MYH4: variants seen among roughly 807,000 people sequenced by gnomAD.
The protein encoded by MYH4 is myosin-4.
MYH4 carries 200 observed loss-of-function variants against 229.9 expected under a neutral mutation model. The observed-to-expected ratio is 0.87, with a 90% CI of 0.78 to 0.98. The LOEUF (loss-of-function observed/expected upper bound fraction) is 0.98. Among genes scored for constraint, MYH4 ranks in the 50% least tolerant of loss-of-function variants. MYH4 has a pLI of 0.00. For synonymous variants in MYH4, 761 were observed against 834.6 expected (o/e 0.91, Z 1.52); for missense variants, 2,148 against 2,332.6 (o/e 0.92, Z 1.63).
At position 10,448,112 on chromosome 17, in the gene MYH4, A is replaced by G. The variant is rs751270475; in HGVS notation, c.4671T>C (p.His1557=). Reference sequence around the variant, plus strand: ...GAATGCGAAGAATTTTGCCTTCTTCATGCTCAAGAGATGCCTTAATAAAAG... The same window carrying G: ...GAATGCGAAGAATTTTGCCTTCTTCGTGCTCAAGAGATGCCTTAATAAAAG... ...SLEEAEASLE[H]EEGKILRIQL... Residue 1557 remains histidine (H), a synonymous_variant, in exon 34 of 40, where the codon CAT becomes CAC. Coordinates refer to ENST00000255381, the MANE Select transcript of MYH4 (RefSeq NM_017533.2). The G allele has an allele frequency of 2.5e-5, 40 of 1,612,856 alleles. No individual in the cohort carries two copies. Among genetic ancestry groups the G allele is most frequent in the Admixed American group, 2.3e-4 (14 of 59,866 alleles).
chr17:10,457,642 G>A lies in MYH4; in HGVS notation c.1675C>T (p.His559Tyr), dbSNP rs2072657047. The A allele has an allele frequency of 1.2e-6, 2 of 1,614,234 alleles. No homozygotes were observed. The highest frequency in any genetic ancestry group is 1.7e-6 in the Non-Finnish European group (2 of 1,180,046). Reference protein sequence around the residue: ...TSFKNKLYEQHLGKSNNFQKP... With the variant: ...TSFKNKLYEQYLGKSNNFQKP... Reference sequence around the variant, plus strand: ...TGGAAGTTGTTGGATTTTCCAAGATGTTGTTCATACAGCTTGTTCTTGAAG... The same window carrying A: ...TGGAAGTTGTTGGATTTTCCAAGATATTGTTCATACAGCTTGTTCTTGAAG... The change falls in exon 16 of 40, where the codon CAT becomes TAT. Residue 559 changes from histidine to tyrosine, a missense_variant. Coordinates refer to ENST00000255381, the MANE Select transcript of MYH4 (RefSeq NM_017533.2).
chr17:10,453,115 T>G (rs745968867), intron 24 of MYH4, 37 bp downstream of exon 24: 1 of 1,613,056 alleles, frequency 6.2e-7, no homozygotes, highest in Non-Finnish European at 8.5e-7. Context: ...ATTGTTTATT[T>G]CATTGCAAGG....
chr17:10,462,862 T>TA lies in MYH4; in HGVS notation c.1008+2dup, dbSNP rs2072717259. The TA allele has an allele frequency of 6.2e-7, 1 of 1,611,064 alleles. No homozygotes were observed. The highest frequency in any genetic ancestry group is 8.5e-7 in the Non-Finnish European group (1 of 1,177,944). ...TTTTTACTACTTTGTACCTATTACT[T>TA]ACATCTGTGGCCATCAGCTCTTCCT... On this transcript the variant is annotated splice_region_variant and intron_variant, in intron 11 of 39. Transcript: ENST00000255381.
chr17:10,451,792 G>T, intron 27 of MYH4, 149 bp downstream of exon 27: 1 of 1,003,496 alleles, frequency 1.0e-6, no homozygotes, highest in Non-Finnish European at 1.4e-6. Context: ...GAACTTAAGT[G>T]ATTCAATACA....
In MYH4 at chr17:10,461,013, C is replaced by T; in HGVS notation, c.1050G>A (p.Val350=). The T allele has an allele frequency of 6.2e-7, 1 of 1,614,028 alleles. No individual in the cohort carries two copies. Among genetic ancestry groups the T allele is most frequent in the Non-Finnish European group, 8.5e-7 (1 of 1,179,978 alleles). The part of the protein sequence containing the change: ...DILGFTADEK[V]AIYKLTGAVM... ...CGGCTCCAGTGAGCTTGTAAATGGC[C>T]ACCTTTTCATCAGCAGTGAAACCCA... Residue 350 remains valine (V), a synonymous_variant, in exon 12 of 40, where the codon GTG becomes GTA. Coordinates refer to ENST00000255381, the MANE Select transcript of MYH4 (RefSeq NM_017533.2).
Position 10,460,229 on chromosome 17 carries a change from C to A in MYH4, c.1240G>T (p.Val414Leu), listed in dbSNP as rs373683531. 2.5e-6 allele frequency: 4 copies of A among 1,613,934 alleles called. No individual in the cohort carries two copies. Among genetic ancestry groups the A allele is most frequent in the Admixed American group, 1.7e-5 (1 of 60,008 alleles). ...YPRVKVGNEFVTKGQTVQQVY... is the reference protein window; with the variant it reads ...YPRVKVGNEFLTKGQTVQQVY... ...TGCTGCACAGTCTGGCCTTTGGTTA[C>A]GAACTCATTGCCGACCTTGACTCTG... The change falls in exon 13 of 40, where the codon GTA (valine) becomes TTA (leucine). Residue 414 changes from valine to leucine, a missense_variant. Transcript: ENST00000255381.
Position 10,453,244 on chromosome 17 carries a change from G to C in MYH4, c.3019C>G (p.His1007Asp). The C allele has an allele frequency of 1.2e-6, 2 of 1,614,010 alleles. 1 individual carries two copies. Among genetic ancestry groups the C allele is most frequent in the Non-Finnish European group, 1.7e-6 (2 of 1,180,008 alleles). Residue 1007 changes from histidine to aspartate, a missense_variant, in exon 24 of 40, where the codon CAC becomes GAC. Physicochemically the swap from His to Asp is moderately conservative, Grantham distance 81. Transcript: ENST00000255381. The stretch of plus-strand genomic sequence containing the variant: ...TGCAGGTCATCCAGGGTCTGCTGGT[G>C]GGCCTCCTGGAGAGCCTTCTTCTCC... ...TKEKKALQEA[H>D]QQTLDDLQME...
rs1429029465 is a variant in MYH4 at position 10,452,278 on chromosome 17, G to A, written c.3401C>T (p.Ala1134Val). The A allele has an allele frequency of 1.9e-6, 3 of 1,613,852 alleles. No homozygotes were observed. The East Asian group carries it at 6.7e-5, about 36-fold the overall frequency. ...GTCAGAGCGCTGCTTCTCTGCTTTGGCCCGGGAGGCCCGCTCTGCCTCGAT... is the reference window on the plus strand; with the variant it reads ...GTCAGAGCGCTGCTTCTCTGCTTTGACCCGGGAGGCCCGCTCTGCCTCGAT... ...EEIEAERASR[A>V]KAEKQRSDLS... is the part of the protein sequence containing the mutation. Residue 1134 changes from alanine to valine, a missense_variant, in exon 27 of 40, where the codon GCC becomes GTC. Ala to Val is a moderately conservative substitution (Grantham distance 64, BLOSUM62 0). Transcript: ENST00000255381.
chr17:10,452,203 C>T lies in MYH4; in HGVS notation c.3476G>A (p.Gly1159Glu). 6.2e-7 allele frequency: 1 copy of T among 1,613,902 alleles called. No homozygotes were observed. Among genetic ancestry groups the T allele is most frequent in the South Asian group, 1.1e-5 (1 of 91,066 alleles). The stretch of plus-strand genomic sequence containing the variant: ...CATCTCAATCTGGGCTGAAGTGGCC[C>T]CACCGGCTTCTTCCAGCCTCTCACT... ...EISERLEEAG[G>E]ATSAQIEMNK... Residue 1159 changes from glycine (G) to glutamate (E), a missense_variant, in exon 27 of 40, where the codon GGG (glycine) becomes GAG (glutamate). Physicochemically the swap from Gly to Glu is moderately conservative, Grantham distance 98. Transcript: ENST00000255381.
intron 35 of MYH4, among the ~76,000 whole-genome samples, chr17:10,446,177 A>T (rs1469652419): frequency 3.3e-5 from 5 of 152,088 alleles, no homozygotes; most frequent in Admixed American, 2.0e-4. Flanking sequence ...ATTTGATTTT[A>T]AAATTATATA....
At position 10,466,429 on chromosome 17, in the gene MYH4, GA is replaced by G. The variant is rs1253955577; in HGVS notation, c.205-14del. 2.8e-5 allele frequency: 45 copies of G among 1,610,864 alleles called. No homozygotes were observed. The highest frequency in any genetic ancestry group is 3.7e-5 in the Non-Finnish European group (44 of 1,179,260). ...TCACAGTTACAGTCTGTTAAGAAAA[GA>G]AAAAACAAGTGCATATCAAATAAGT... On this transcript the variant is annotated splice_polypyrimidine_tract_variant and intron_variant, in intron 3 of 39. Transcript: ENST00000255381.
intron 30 of MYH4, among the ~76,000 whole-genome samples, chr17:10,449,381 A>G (rs574327457): frequency 2.1e-4 from 32 of 152,284 alleles, no homozygotes; most frequent in Admixed American, 1.8e-3. Flanking sequence ...CTGGCCCTCT[A>G]TAGTGTGGCA....
At chr17:10,455,583 C>T in intron 19 of MYH4, 31 bp downstream of exon 19, 8 of 1,612,628 alleles carry the variant, frequency 5.0e-6, no homozygotes, top group Non-Finnish European at 6.8e-6. Flanking sequence ...TAGACTAAGA[C>T]ATTGGAAGGG....
In MYH4 at chr17:10,456,377, G is replaced by A. The variant is rs547666245; in HGVS notation, c.1968+108C>T. Reference sequence around the variant, plus strand: ...TTAGTAGTATACTAAAAAGTATACTGTACTACTTTATTCACTTTCACCATA... The same window carrying A: ...TTAGTAGTATACTAAAAAGTATACTATACTACTTTATTCACTTTCACCATA... On this transcript the variant is annotated intron_variant, in intron 17 of 39. Transcript: ENST00000255381. The A allele has an allele frequency of 6.0e-5, 53 of 885,778 alleles. No homozygotes were observed. The African/African-American group carries it at 7.4e-4, about 12-fold the overall frequency. The allele number at this position is 885,778 out of a possible 1,614,324, so 54.9% of individuals were successfully genotyped here.
In MYH4 at chr17:10,455,207, T is replaced by C; in HGVS notation, c.2263A>G (p.Ile755Val). 1 of 1,614,206 alleles carries C rather than the reference T, an allele frequency of 6.2e-7. No individual in the cohort carries two copies. The highest frequency in any genetic ancestry group is 8.5e-7 in the Non-Finnish European group (1 of 1,180,032). Residue 755 changes from isoleucine (I) to valine (V), a missense_variant, in exon 20 of 40, where the codon ATT becomes GTT. By Grantham distance (29) the Ile-to-Val change is conservative (BLOSUM62 3). Coordinates refer to ENST00000255381, the MANE Select transcript of MYH4 (RefSeq NM_017533.2). ...ASEKLLGSIE[I>V]DHTQYKFGHT... The stretch of plus-strand genomic sequence containing the variant: ...CCGAATTTGTACTGGGTGTGGTCAA[T>C]TTCAATAGACCCTAGAAGTTTCTCA...
chr17:10,456,313 AT>A (rs1055901288), intron 17 of MYH4, among the ~76,000 whole-genome samples, 171 bp downstream of exon 17: 5 of 152,184 alleles, frequency 3.3e-5, no homozygotes, highest in African/African-American at 1.2e-4. Context: ...TTTTGTGCTA[AT>A]TTTTTTTCCT....
Position 10,464,669 on chromosome 17 carries a change from A to G in MYH4, c.533+12T>C. The G allele has an allele frequency of 6.2e-7, 1 of 1,613,846 alleles. No individual in the cohort carries two copies. Among genetic ancestry groups the G allele is most frequent in the Non-Finnish European group, 8.5e-7 (1 of 1,179,730 alleles). On this transcript the variant is annotated intron_variant, in intron 6 of 39. Coordinates refer to ENST00000255381, the MANE Select transcript of MYH4 (RefSeq NM_017533.2). ...TGATCAAAACAGAAAGAAAGTAACG[A>G]AATCTACATACGTAATCAAGATTGA...
intron 22 of MYH4, 26 bp from the exon 23 acceptor site, chr17:10,453,911 A>G (rs552947233): frequency 6.2e-7 from 1 of 1,612,950 alleles, no homozygotes; most frequent in African/African-American, 1.3e-5. Flanking sequence ...AAGCATTTTC[A>G]TTTGTCTGAG....
chr17:10,462,438 T>C (rs2072712924), intron 11 of MYH4, among the ~76,000 whole-genome samples: 1 of 152,190 alleles, frequency 6.6e-6, no homozygotes, highest in African/African-American at 2.4e-5. Flanking sequence ...CAGAGGTTTA[T>C]TCAAAATAAG....
Sources: allele counts gnomAD v4.1 joint callset (sites outside exome capture counted in the v4.1 genomes callset), GRCh38; gene constraint gnomAD v4.1.1; transcripts MANE v1.5; gene names NCBI Gene and HGNC (gene_info 2026-07-23, HGNC 2026-07-21).